Variants in PCDH9 observed in about 807,000 individuals in gnomAD.
The protein encoded by PCDH9 is protocadherin 9.
Under a neutral mutation model 70.6 loss-of-function variants are expected in PCDH9, and 24 were observed. The observed-to-expected ratio is 0.34, with a 90% CI of 0.25 to 0.48. PCDH9 has a LOEUF of 0.48. Among genes scored for constraint, PCDH9 ranks in the 20% least tolerant of loss-of-function variants. The pLI is 0.99. For missense variants in PCDH9, 1,281 were observed against 1,503.6 expected, an observed-to-expected ratio of 0.85 and a Z score of 2.45; for synonymous variants, 562 against 558.5, an observed-to-expected ratio of 1.01 and a Z score of -0.09.
chr13:66,333,834 C>T (rs1326934631), intron 4 of PCDH9, among the ~76,000 whole-genome samples: 1 of 152,060 alleles, frequency 6.6e-6, no homozygotes, highest in Middle Eastern at 3.2e-3. Context: ...ACTTGTTAGG[C>T]CATGGGATCC....
intron 3 of PCDH9, among the ~76,000 whole-genome samples, chr13:66,779,875 G>A (rs371314069): frequency 1.9e-4 from 19 of 100,880 alleles, no homozygotes; most frequent in South Asian, 7.1e-4. Flanking sequence ...ATACATATAT[G>A]TGTGTGTGTG....
chr13:67,008,994 T>G (rs1301954448), intron 2 of PCDH9, among the ~76,000 whole-genome samples: 4 of 152,114 alleles, frequency 2.6e-5, no homozygotes, highest in African/African-American at 9.7e-5. Context: ...CTAAAATAAT[T>G]CCTACTTTTC....
intron 3 of PCDH9, among the ~76,000 whole-genome samples, chr13:66,669,015 C>T (rs1471111690): frequency 6.6e-6 from 1 of 152,100 alleles, no homozygotes; most frequent in African/African-American, 2.4e-5. Flanking sequence ...TTTATTTAAT[C>T]TTATGTTGCA....
At chr13:66,338,168 G>A (rs1046547625) in intron 4 of PCDH9, among the ~76,000 whole-genome samples, 1 of 152,062 alleles carries the variant, frequency 6.6e-6, no homozygotes, top group East Asian at 1.9e-4. Context: ...AAATCATGTA[G>A]CATAGCACAC....
intron 2 of PCDH9, chr13:67,207,655 T>C (rs1427507458): frequency 1.3e-5 from 2 of 152,192 alleles, no homozygotes; most frequent in African/African-American, 4.8e-5. Context: ...CTCAAATATC[T>C]TCCACTTTTC....
chr13:66,347,919 C>G (rs768101807), intron 4 of PCDH9, among the ~76,000 whole-genome samples: 4 of 152,166 alleles, frequency 2.6e-5, no homozygotes, highest in Non-Finnish European at 5.9e-5. Flanking sequence ...AGCTGCTATT[C>G]AACAATTCCT....
At chr13:66,371,496 T>A (rs1320204734) in intron 4 of PCDH9, among the ~76,000 whole-genome samples, 2 of 152,078 alleles carry the variant, frequency 1.3e-5, no homozygotes, top group African/African-American at 2.4e-5. Flanking sequence ...TTGTCCTTTG[T>A]TGGAGGGGTA....
chr13:67,115,347 T>C (rs2086738877), intron 2 of PCDH9, among the ~76,000 whole-genome samples: 1 of 152,226 alleles, frequency 6.6e-6, no homozygotes, highest in African/African-American at 2.4e-5. Flanking sequence ...GCTTTGGGCT[T>C]CCTGATACAG....
intron 4 of PCDH9, among the ~76,000 whole-genome samples, chr13:66,318,882 T>C (rs1001174141): frequency 7.9e-5 from 12 of 152,208 alleles, no homozygotes; most frequent in African/African-American, 2.9e-4. Context: ...GCATAATAAC[T>C]GGTGGTGACT....
At chr13:66,455,247 CCA>C (rs1491251375) in intron 4 of PCDH9, among the ~76,000 whole-genome samples, 3 of 151,044 alleles carry the variant, frequency 2.0e-5, no homozygotes, top group African/African-American at 7.3e-5. Context: ...TAAATATTGA[CCA>C]TATATATATA....
chr13:66,892,936 G>T (rs2082119648), intron 3 of PCDH9, among the ~76,000 whole-genome samples: 1 of 151,952 alleles, frequency 6.6e-6, no homozygotes, highest in African/African-American at 2.4e-5. Context: ...AAAAATGGAG[G>T]ATTAACTGTA....
At chr13:66,836,501 G>T (rs2081021209) in intron 3 of PCDH9, among the ~76,000 whole-genome samples, 1 of 151,844 alleles carries the variant, frequency 6.6e-6, no homozygotes, top group African/African-American at 2.4e-5. Context: ...TCCTTTCTTT[G>T]TTGTATCTTC....
intron 2 of PCDH9, among the ~76,000 whole-genome samples, chr13:67,199,273 T>C (rs1276890670): frequency 6.6e-6 from 1 of 151,756 alleles, no homozygotes; most frequent in Non-Finnish European, 1.5e-5. Context: ...ATATTTCTGG[T>C]GATTAGATAA....
chr13:66,933,907 A>AG (rs1168427261), intron 2 of PCDH9, among the ~76,000 whole-genome samples: 15 of 144,620 alleles, frequency 1.0e-4, no homozygotes, highest in Non-Finnish European at 1.5e-4. Flanking sequence ...AAAAAAAAAA[A>AG]GGGGGCGGGG....
At chr13:66,516,308 G>T (rs1959732573) in intron 4 of PCDH9, among the ~76,000 whole-genome samples, 1 of 151,914 alleles carries the variant, frequency 6.6e-6, no homozygotes, top group Non-Finnish European at 1.5e-5. Flanking sequence ...TTCTAGTAAA[G>T]CTGTAATATT....
At chr13:66,994,285 C>T (rs1168963817) in intron 2 of PCDH9, among the ~76,000 whole-genome samples, 1 of 152,144 alleles carries the variant, frequency 6.6e-6, no homozygotes, top group Non-Finnish European at 1.5e-5. Context: ...CAAATGGCTG[C>T]TGCCAGGATG....
intron 4 of PCDH9, among the ~76,000 whole-genome samples, chr13:66,382,371 T>C (rs1378808121): frequency 6.6e-6 from 1 of 151,950 alleles, no homozygotes; most frequent in Non-Finnish European, 1.5e-5. Flanking sequence ...TCTATTAATG[T>C]CAAGAATGGC....
chr13:67,194,617 C>G (rs544495211), intron 2 of PCDH9, among the ~76,000 whole-genome samples: 2 of 152,186 alleles, frequency 1.3e-5, no homozygotes, highest in South Asian at 4.1e-4. Flanking sequence ...CAATGTAAAA[C>G]CTTTGCTTCC....
chr13:66,318,289 G>C (rs1212779689), intron 4 of PCDH9, among the ~76,000 whole-genome samples: 1 of 152,010 alleles, frequency 6.6e-6, no homozygotes, highest in Admixed American at 6.6e-5. Context: ...TTTCTGCTCT[G>C]TTATTGCCAA....
Sources: gnomAD v4.1 joint callset for allele counts (sites outside exome capture counted in the v4.1 genomes callset) on GRCh38, gnomAD v4.1.1 for gene constraint, MANE v1.5 for transcripts, NCBI Gene and HGNC (gene_info 2026-07-23, HGNC 2026-07-21) for gene names.